Variants in REM2 observed in about 807,000 individuals in gnomAD.
The protein encoded by REM2 is RRAD and GEM like GTPase 2, also known as GTP-binding protein REM 2.
Under a neutral mutation model 24.4 loss-of-function variants are expected in REM2, and 24 were observed. The ratio of observed to expected loss-of-function variants is 0.98; its 90% CI spans 0.71 to 1.38. The LOEUF (loss-of-function observed/expected upper bound fraction) is 1.38, where lower values mean the gene tolerates loss of function less well. REM2 is among the 40% of genes most tolerant of loss of function. The pLI is 0.00. For synonymous variants in REM2, 187 were observed against 198.0 expected (o/e 0.94, Z 0.47); for missense variants, 429 against 467.8 (o/e 0.92, Z 0.77).
chr14:22,887,112 G>C lies in REM2; in HGVS notation c.*203G>C, dbSNP rs2040138584. 2.3e-6 allele frequency: 1 copy of C among 428,892 alleles called. No homozygotes were observed. The highest frequency in any genetic ancestry group is 4.3e-5 in the Admixed American group (1 of 23,256). 26.6% of individuals were successfully genotyped at this position (428,892 alleles called of 1,614,324 possible). ...CACACCCGCCCCAACGCGTTCTCTG[G>C]AGCTTTGGGCCTCAGGGCGCCTAGA... On this transcript the variant is annotated 3_prime_UTR_variant, in exon 5 of 5. Coordinates refer to ENST00000267396, the MANE Select transcript of REM2 (RefSeq NM_173527.3).
chr14:22,884,457 C>T (rs968969701), intron 1 of REM2: 39 of 985,162 alleles, frequency 4.0e-5, no homozygotes, highest in Admixed American at 6.1e-5. Flanking sequence ...GGGTTGGGAC[C>T]GCATTGGAGA....
chr14:22,884,502 GACTT>G (rs1349349215), intron 1 of REM2, 168 bp from the exon 2 acceptor site: 2 of 985,314 alleles, frequency 2.0e-6, no homozygotes, highest in Non-Finnish European at 2.4e-6. Flanking sequence ...GGCTTCTGGA[GACTT>G]TAGTGTAAGA....
At chr14:22,884,156 C>T (rs901139102) in intron 1 of REM2, 4 of 985,266 alleles carry the variant, frequency 4.1e-6, no homozygotes, top group Non-Finnish European at 4.8e-6. Context: ...TAGGAAGAAG[C>T]TCACTACAAA....
chr14:22,885,015 G>A lies in REM2; in HGVS notation c.445G>A (p.Glu149Lys). 1 of 1,529,676 alleles carries A rather than the reference G, an allele frequency of 6.5e-7. No individual in the cohort carries two copies. The allele number at this position is 1,529,676 out of a possible 1,614,324, so 94.8% of individuals were successfully genotyped here. A position where few individuals can be genotyped will look rare whatever the true frequency, so the allele number is the denominator to read the frequency against. ...GDSAHEPENP[E>K]DTYERRIMVD... ...CAGTGCTCACGAACCGGAGAACCCA[G>A]GTATTTGGGGAAGCCCTCCAGGGGT... is the stretch of plus-strand genomic sequence containing the variant. The change falls in exon 2 of 5, where the codon GAG becomes AAG. Residue 149 changes from glutamate (E) to lysine (K), a missense_variant and splice_region_variant. Transcript: ENST00000267396.
intron 3 of REM2, among the ~76,000 whole-genome samples, chr14:22,885,740 T>C (rs1201661461): frequency 6.6e-6 from 1 of 152,252 alleles, no homozygotes; most frequent in African/African-American, 2.4e-5. Flanking sequence ...TAAAGGTTAC[T>C]ATGTAGAAAT....
chr14:22,883,829 GC>G (rs1161912602), intron 1 of REM2, among the ~76,000 whole-genome samples: 1 of 151,874 alleles, frequency 6.6e-6, no homozygotes, highest in Admixed American at 6.6e-5. Context: ...CCTCCCTCTA[GC>G]CCCCTTTGTT....
rs1267989853 is a variant in REM2 at position 22,886,804 on chromosome 14, G to A, written c.918G>A (p.Glu306=). The change falls in exon 5 of 5, where the codon GAG becomes GAA. Residue 306 remains glutamate (E), a synonymous_variant. Coordinates refer to ENST00000267396, the MANE Select transcript of REM2 (RefSeq NM_173527.3). This position sits in a 1 kb window ranked among gnomAD's most constrained non-coding sequence, Gnocchi z 5.9. ...GCCCTGCGCCACCTGCACGCCGCGA[G>A]AGCCTCACCAAGAAAGCCAAGAGGT... ...PEGPAPPARR[E]SLTKKAKRFL... 1.9e-6 allele frequency: 3 copies of A among 1,549,174 alleles called. No homozygotes were observed. The highest frequency in any genetic ancestry group is 1.2e-5 in the South Asian group (1 of 83,934).
At chr14:22,883,512 A>G in intron 1 of REM2, 122 bp downstream of exon 1, 1 of 858,032 alleles carries the variant, frequency 1.2e-6, no homozygotes, top group Non-Finnish European at 1.8e-6. Context: ...GAGAAGAGCA[A>G]TTGAGAAAGT....
In REM2 at chr14:22,884,735, GTT is replaced by G; in HGVS notation, c.166_167del (p.Leu56ThrfsTer29). ...TGTTGGCAGAGTTGGACCGGAGCGG[GTT>G]ACCCTCTGCCCCTGGGGCCCCCAGA... ...KLLAELDRSGLPSAPGAPRRR... is the reference protein window; with the variant it reads ...KLLAELDRSGXPSAPGAPRRR... On this transcript the variant is annotated frameshift_variant, in exon 2 of 5. Coordinates refer to ENST00000267396, the MANE Select transcript of REM2 (RefSeq NM_173527.3). LOFTEE classifies it high-confidence loss of function. 5.0e-6 allele frequency: 8 copies of G among 1,613,986 alleles called. No individual in the cohort carries two copies. Among genetic ancestry groups the G allele is most frequent in the Non-Finnish European group, 4.2e-6 (5 of 1,179,872 alleles).
chr14:22,885,419 G>A, intron 3 of REM2, 80 bp downstream of exon 3: 2 of 1,036,760 alleles, frequency 1.9e-6, no homozygotes, highest in Non-Finnish European at 3.0e-6. Flanking sequence ...GAAGGCTGGT[G>A]GGACTGCTGG....
intron 1 of REM2, 115 bp from the exon 2 acceptor site, chr14:22,884,559 C>T: frequency 6.9e-7 from 1 of 1,449,966 alleles, no homozygotes; most frequent in Middle Eastern, 1.8e-4. Flanking sequence ...TAATGGTCAT[C>T]AAGTGGGTGT....
chr14:22,885,482 A>C, intron 3 of REM2, 143 bp downstream of exon 3: 5 of 663,176 alleles, frequency 7.5e-6, no homozygotes, highest in Non-Finnish European at 1.4e-5. Flanking sequence ...TCACCTCAGA[A>C]AGCAAAGACC....
chr14:22,886,310 C>A lies in REM2; in HGVS notation c.727+79C>A. 3 of 1,331,598 alleles carry A rather than the reference C, an allele frequency of 2.3e-6. No homozygotes were observed. Among genetic ancestry groups the A allele is most frequent in the South Asian group, 1.3e-5 (1 of 79,420 alleles). 82.5% of individuals were successfully genotyped at this position (1,331,598 alleles called of 1,614,324 possible). The stretch of plus-strand genomic sequence containing the variant: ...TCCAAGTCACCTCTTCTCCCTAAGG[C>A]CTTTTTACCATCGCGGACGCACTCA... On this transcript the variant is annotated intron_variant, in intron 4 of 4. Coordinates refer to ENST00000267396, the MANE Select transcript of REM2 (RefSeq NM_173527.3). This position sits in a 1 kb window ranked among gnomAD's most constrained non-coding sequence, Gnocchi z 5.9.
chr14:22,885,471 A>G (rs2040116562), intron 3 of REM2, 132 bp downstream of exon 3: 1 of 690,010 alleles, frequency 1.4e-6, no homozygotes, highest in Admixed American at 2.3e-5. Context: ...TTTCATTCAT[A>G]TCACCTCAGA....
chr14:22,885,080 C>T (rs2040110567), intron 2 of REM2, 65 bp downstream of exon 2: 6 of 1,477,658 alleles, frequency 4.1e-6, no homozygotes, highest in Non-Finnish European at 5.4e-6. Context: ...AGGAAGTGCT[C>T]GTGACCTGAG....
rs1352594995 is a variant in REM2, at chr14:22,886,948, C to G, written c.*39C>G. 8 of 1,354,644 alleles carry G rather than the reference C, an allele frequency of 5.9e-6. No individual in the cohort carries two copies. Among genetic ancestry groups the G allele is most frequent in the Non-Finnish European group, 7.7e-6 (8 of 1,045,602 alleles). The allele number at this position is 1,354,644 out of a possible 1,614,324, so 83.9% of individuals were successfully genotyped here. The stretch of plus-strand genomic sequence containing the variant: ...TGGCCACTGCGGTCGCCATGGTCAC[C>G]GCGCCCTCCGCTCGCCCCCCCTCGC... On this transcript the variant is annotated 3_prime_UTR_variant, in exon 5 of 5. Transcript: ENST00000267396. The surrounding 1 kb of genome is among the most constrained non-coding windows in gnomAD (Gnocchi z 5.9).
intron 1 of REM2, chr14:22,884,377 A>G: frequency 1.0e-6 from 1 of 985,468 alleles, no homozygotes; most frequent in Non-Finnish European, 1.2e-6. Context: ...GTATCAGTGT[A>G]AAGTGTGAGT....
intron 3 of REM2, 130 bp downstream of exon 3, chr14:22,885,469 A>C: frequency 1.4e-6 from 1 of 693,804 alleles, no homozygotes; most frequent in Non-Finnish European, 2.6e-6. Context: ...CCTTTCATTC[A>C]TATCACCTCA....
In REM2 at chr14:22,886,339, G is replaced by A. The variant is rs3751490; in HGVS notation, c.727+108G>A. The A allele has an allele frequency of 0.15, 150,708 of 1,032,498 alleles. 11,762 individuals carry two copies. Among genetic ancestry groups the A allele is most frequent in the East Asian group, 0.18 (7,047 of 38,260 alleles). 64.0% of individuals were successfully genotyped at this position (1,032,498 alleles called of 1,614,324 possible). A position where few individuals can be genotyped will look rare whatever the true frequency, so the allele number is the denominator to read the frequency against. On this transcript the variant is annotated intron_variant, in intron 4 of 4. Coordinates refer to ENST00000267396, the MANE Select transcript of REM2 (RefSeq NM_173527.3). This position sits in a 1 kb window ranked among gnomAD's most constrained non-coding sequence, Gnocchi z 5.9. Reference sequence around the variant, plus strand: ...TTTACCATCGCGGACGCACTCACTTGCAATCAGACCCAGGCTAGGGGGACA... The same window carrying A: ...TTTACCATCGCGGACGCACTCACTTACAATCAGACCCAGGCTAGGGGGACA...
Sources: allele counts gnomAD v4.1 joint callset (sites outside exome capture counted in the v4.1 genomes callset), GRCh38; gene constraint gnomAD v4.1.1; non-coding constraint Gnocchi (gnomAD v3.1); transcripts MANE v1.5; gene names NCBI Gene and HGNC (gene_info 2026-07-23, HGNC 2026-07-21).